The following GDI2 variants were observed in gnomAD, a reference collection of about 807,000 sequenced individuals.
GDI2 encodes rab GDP dissociation inhibitor beta.
GDI2 carries 22 observed loss-of-function variants against 54.2 expected under a neutral mutation model. The observed-to-expected ratio is 0.41, with a 90% CI of 0.29 to 0.58. GDI2 has a LOEUF of 0.58. Ranked by LOEUF, GDI2 falls within the 20% of genes least tolerant of loss-of-function variation. The pLI is 0.35. For missense variants in GDI2, 422 were observed against 546.0 expected, an observed-to-expected ratio of 0.77 and a Z score of 2.26; for synonymous variants, 177 against 182.1, an observed-to-expected ratio of 0.97 and a Z score of 0.23.
At chr10:5,804,935 G>A (rs1046904922) in intron 1 of GDI2, among the ~76,000 whole-genome samples, 10 of 151,730 alleles carry the variant, frequency 6.6e-5, no homozygotes, top group Non-Finnish European at 1.3e-4. Flanking sequence ...CTGGGTTCAA[G>A]CGATTCTCCT....
chr10:5,778,281 TA>T (rs997463249), intron 6 of GDI2, among the ~76,000 whole-genome samples: 11 of 151,828 alleles, frequency 7.2e-5, no homozygotes, highest in South Asian at 2.1e-4. Context: ...AAGTATAATT[TA>T]AAAAAAAGTA....
At chr10:5,799,194 C>T (rs1479220231) in intron 2 of GDI2, among the ~76,000 whole-genome samples, 1 of 151,716 alleles carries the variant, frequency 6.6e-6, no homozygotes, top group East Asian at 1.9e-4. Flanking sequence ...ATAAAATAAG[C>T]CAGGCAGGTG....
At chr10:5,770,421 C>A (rs1272494515) in intron 7 of GDI2, among the ~76,000 whole-genome samples, 1 of 151,344 alleles carries the variant, frequency 6.6e-6, no homozygotes, top group Admixed American at 6.6e-5. Context: ...ACTAGCCGGG[C>A]GTGGTGGTAT....
Position 5,768,636 on chromosome 10 carries a change from T to C in GDI2, c.820-252A>G, listed in dbSNP as rs1564387270. 2.6e-6 allele frequency: 1 copy of C among 389,256 alleles called. No individual in the cohort carries two copies. Among genetic ancestry groups the C allele is most frequent in the Non-Finnish European group, 4.6e-6 (1 of 215,886 alleles). 24.1% of individuals were successfully genotyped at this position (389,256 alleles called of 1,614,324 possible). A position where few individuals can be genotyped will look rare whatever the true frequency, so the allele number is the denominator to read the frequency against. On this transcript the variant is annotated intron_variant, in intron 7 of 10. Coordinates refer to ENST00000380191, the MANE Select transcript of GDI2 (RefSeq NM_001494.4). This position sits in a 1 kb window ranked among gnomAD's most constrained non-coding sequence, Gnocchi z 4.4. ...TGGTACTGGCATAATGACAAACGTA[T>C]GGACCAATGAAACGAGGAGAGAGCC...
At chr10:5,795,332 G>GGCTGGTCTCAAACT (rs1454030868) in intron 3 of GDI2, among the ~76,000 whole-genome samples, 1 of 151,820 alleles carries the variant, frequency 6.6e-6, no homozygotes, top group Non-Finnish European at 1.5e-5. Context: ...ATGTTGCCCA[G>GGCTGGTCTCAAACT]GCTGGTCTCA....
intron 1 of GDI2, 79 bp downstream of exon 1, chr10:5,813,135 G>A: frequency 1.2e-6 from 1 of 850,770 alleles, no homozygotes; most frequent in Non-Finnish European, 1.8e-6. Context: ...CCGAGGAGCT[G>A]CGACCCGCGG....
At chr10:5,794,188 A>AAAAAATATATAT (rs1448053813) in intron 4 of GDI2, among the ~76,000 whole-genome samples, 3 of 40,340 alleles carry the variant, frequency 7.4e-5, no homozygotes, top group Admixed American at 4.3e-4. Flanking sequence ...AAAAAAAAAA[A>AAAAAATATATAT]ATATATATAT....
At chr10:5,775,039 C>T (rs1294431427) in intron 6 of GDI2, among the ~76,000 whole-genome samples, 1 of 152,234 alleles carries the variant, frequency 6.6e-6, no homozygotes, top group African/African-American at 2.4e-5. Context: ...CCTAATGCCA[C>T]CACTTTGGGA....
At position 5,774,181 on chromosome 10, in the gene GDI2, G is replaced by C. The variant is rs898935819; in HGVS notation, c.720-240C>G. Among the ~76,000 whole-genome samples, 1 of 151,908 alleles carries C rather than the reference G, an allele frequency of 6.6e-6. No homozygotes were observed. The highest frequency in any genetic ancestry group is 2.4e-5 in the African/African-American group (1 of 41,348). On this transcript the variant is annotated intron_variant, in intron 6 of 10. Transcript: ENST00000380191. This position sits in a 1 kb window ranked among gnomAD's most constrained non-coding sequence, Gnocchi z 4.8. ...CACTTGTCTTTCGAGCTGCCCACTC[G>C]GCCCTCCTCCAAGTGTACTTTCTTT...
Position 5,774,891 on chromosome 10 carries a change from G to GAAGGGGAAGGGC in GDI2, c.720-962_720-951dup, listed in dbSNP as rs147814358. 0.092 allele frequency among the ~76,000 whole-genome samples: 14,053 copies of GAAGGGGAAGGGC among 152,120 alleles called. 760 individuals are homozygous for GAAGGGGAAGGGC. The highest frequency in any genetic ancestry group is 0.14 in the East Asian group (748 of 5,168). ...CATTTCTCTGGATTCACACCCAGGG[G>GAAGGGGAAGGGC]AAGGGGAAGGGCAAGGGCAAGGGCA... On this transcript the variant is annotated intron_variant, in intron 6 of 10. Transcript: ENST00000380191. This position sits in a 1 kb window ranked among gnomAD's most constrained non-coding sequence, Gnocchi z 4.8.
chr10:5,785,134 G>A lies in GDI2; in HGVS notation c.719+8C>T. ...TGGATCACTGAGGTTTTAAACACAG[G>A]CTCTTACCTTGCAAATCCTTGGGGC... is the stretch of plus-strand genomic sequence containing the variant. On this transcript the variant is annotated splice_region_variant and intron_variant, in intron 6 of 10. Coordinates refer to ENST00000380191, the MANE Select transcript of GDI2 (RefSeq NM_001494.4). 6.3e-7 allele frequency: 1 copy of A among 1,579,450 alleles called. No individual in the cohort carries two copies. The highest frequency in any genetic ancestry group is 8.6e-7 in the Non-Finnish European group (1 of 1,164,018).
At chr10:5,781,347 G>T (rs1218744400) in intron 6 of GDI2, among the ~76,000 whole-genome samples, 2 of 151,744 alleles carry the variant, frequency 1.3e-5, no homozygotes, top group Non-Finnish European at 2.9e-5. Context: ...CTAAAATAGG[G>T]CCAGGCGCAG....
intron 4 of GDI2, 46 bp from the exon 5 acceptor site, chr10:5,786,096 T>C (rs767847867): frequency 3.1e-6 from 4 of 1,283,654 alleles, no homozygotes. Flanking sequence ...CAATCAGACA[T>C]TGAGGAGAAC....
intron 1 of GDI2, among the ~76,000 whole-genome samples, chr10:5,806,015 C>G (rs963401479): frequency 6.6e-6 from 1 of 152,180 alleles, no homozygotes; most frequent in Non-Finnish European, 1.5e-5. Context: ...AATGCTCTAT[C>G]AACATTCTCG....
At chr10:5,794,186 A>ATAT (rs1197154882) in intron 4 of GDI2, among the ~76,000 whole-genome samples, 9 of 46,664 alleles carry the variant, frequency 1.9e-4, no homozygotes, top group Non-Finnish European at 2.8e-4. Context: ...AAAAAAAAAA[A>ATAT]AAATATATAT....
intron 1 of GDI2, among the ~76,000 whole-genome samples, chr10:5,808,175 A>G (rs1841413423): frequency 6.6e-6 from 1 of 151,994 alleles, no homozygotes; most frequent in Non-Finnish European, 1.5e-5. Context: ...CATTTCTACA[A>G]AAAATACCCA....
At chr10:5,795,175 C>T (rs1366738301) in intron 3 of GDI2, among the ~76,000 whole-genome samples, 156 bp from the exon 4 acceptor site, 4 of 152,190 alleles carry the variant, frequency 2.6e-5, no homozygotes, top group Admixed American at 2.0e-4. Context: ...GTTGCCCAGG[C>T]TACAGTGCAG....
intron 1 of GDI2, among the ~76,000 whole-genome samples, chr10:5,801,433 T>C (rs1841267444): frequency 6.6e-6 from 1 of 151,882 alleles, no homozygotes; most frequent in Non-Finnish European, 1.5e-5. Flanking sequence ...CCCCAGCACT[T>C]TGGGAAGCCA....
At position 5,766,927 on chromosome 10, in the gene GDI2, C is replaced by G. The variant is rs1243066294; in HGVS notation, c.992-289G>C. Among the ~76,000 whole-genome samples the G allele has an allele frequency of 1.3e-5, 2 of 152,142 alleles. 1 individual carries two copies. Among genetic ancestry groups the G allele is most frequent in the Admixed American group, 1.3e-4 (2 of 15,268 alleles). On this transcript the variant is annotated intron_variant, in intron 8 of 10. Transcript: ENST00000380191. This position sits in a 1 kb window ranked among gnomAD's most constrained non-coding sequence, Gnocchi z 5.8. Reference sequence around the variant, plus strand: ...CTGTCATACCTAACTAAAAAACCTGCCAAACCATATTAACTATTCTGGGAG... The same window carrying G: ...CTGTCATACCTAACTAAAAAACCTGGCAAACCATATTAACTATTCTGGGAG...
Sources: allele counts gnomAD v4.1 joint callset (sites outside exome capture counted in the v4.1 genomes callset), GRCh38; gene constraint gnomAD v4.1.1; non-coding constraint Gnocchi (gnomAD v3.1); transcripts MANE v1.5; gene names NCBI Gene and HGNC (gene_info 2026-07-23, HGNC 2026-07-21).